Variants in PSD4 observed in about 807,000 individuals in gnomAD.
PSD4 encodes the protein PH and SEC7 domain-containing protein 4.
In PSD4, 59 loss-of-function variants were observed where a neutral mutation model predicts 112.5. The ratio of observed to expected loss-of-function variants is 0.52; its 90% CI spans 0.43 to 0.65. The LOEUF is 0.65. PSD4 is among the 30% of genes least tolerant of loss of function. PSD4 has a pLI of 0.00. For missense variants in PSD4, 1,267 were observed against 1,352.6 expected (o/e 0.94, Z 0.99); for synonymous variants, 533 against 540.0 (o/e 0.99, Z 0.18).
rs144379499 is a variant in PSD4 at position 113,196,244 on chromosome 2, G to T, written c.2323G>T (p.Val775Leu). 2.5e-6 allele frequency: 4 copies of T among 1,613,980 alleles called. No individual in the cohort carries two copies. The African/African-American group carries it at 5.3e-5, about 22-fold the overall frequency. Residue 775 changes from valine (V) to leucine (L), a missense_variant, in exon 12 of 17, where the codon GTG becomes TTG. Transcript: ENST00000245796. ...PFLQLAQDPTVPTYKQGILAR... is the reference protein window; with the variant it reads ...PFLQLAQDPTLPTYKQGILAR... ...CCTTCAGCTGGCTCAGGATCCCACAGTGCCCACCTACAAGCAGGGCATCCT... is the reference window on the plus strand; with the variant it reads ...CCTTCAGCTGGCTCAGGATCCCACATTGCCCACCTACAAGCAGGGCATCCT...
intron 10 of PSD4, among the ~76,000 whole-genome samples, 180 bp from the exon 11 acceptor site, chr2:113,195,537 ATGGATGGATG>A (rs1558653914): frequency 3.9e-5 from 2 of 50,986 alleles, no homozygotes; most frequent in Non-Finnish European, 6.0e-5. Context: ...TGTTGCACGG[ATGGATGGATG>A]GATGGATGGA....
At chr2:113,196,102 C>T in intron 11 of PSD4, 45 bp from the exon 12 acceptor site, 1 of 1,585,062 alleles carries the variant, frequency 6.3e-7, no homozygotes, top group Non-Finnish European at 8.6e-7. Context: ...CCTCCCAGTT[C>T]TCTTTGCATA....
chr2:113,179,119 C>T (rs1423294279), intron 1 of PSD4, among the ~76,000 whole-genome samples: 2 of 152,142 alleles, frequency 1.3e-5, no homozygotes, highest in African/African-American at 2.4e-5. Context: ...TTGCTCTCCA[C>T]CAGGCAGGTT....
intron 1 of PSD4, among the ~76,000 whole-genome samples, chr2:113,179,166 A>G (rs1573349136): frequency 6.6e-6 from 1 of 152,266 alleles, no homozygotes; most frequent in East Asian, 1.9e-4. Context: ...TGTTTTCCCT[A>G]GTATAGACAA....
chr2:113,193,740 A>G, intron 9 of PSD4, 90 bp downstream of exon 9: 1 of 1,557,258 alleles, frequency 6.4e-7, no homozygotes, highest in Non-Finnish European at 8.9e-7. Flanking sequence ...CCGGGCAGGG[A>G]ACACCCCTGA....
At chr2:113,178,673 T>C (rs1413300351) in intron 1 of PSD4, among the ~76,000 whole-genome samples, 2 of 152,132 alleles carry the variant, frequency 1.3e-5, no homozygotes, top group African/African-American at 2.4e-5. Flanking sequence ...CATTCCCATA[T>C]TGGCACGGGA....
At chr2:113,200,307 T>C (rs1688739965) in intron 16 of PSD4, among the ~76,000 whole-genome samples, 2 of 152,170 alleles carry the variant, frequency 1.3e-5, no homozygotes, top group African/African-American at 4.8e-5. Flanking sequence ...GAGGGCCCAC[T>C]GGGCAGGAAG....
intron 5 of PSD4, 107 bp downstream of exon 5, chr2:113,186,362 A>G (rs1316910464): frequency 1.6e-6 from 2 of 1,217,626 alleles, no homozygotes; most frequent in African/African-American, 1.5e-5. Flanking sequence ...AAACATACCC[A>G]TATTTATTAA....
At chr2:113,193,823 G>A (rs368987890) in intron 9 of PSD4, 36 bp from the exon 10 acceptor site, 255 of 1,599,644 alleles carry the variant, frequency 1.6e-4, no homozygotes, top group Non-Finnish European at 2.0e-4. Flanking sequence ...GGGATGGGGT[G>A]TGTGCTCGAG....
chr2:113,191,403 GTAGC>G (rs1200326624), intron 5 of PSD4, among the ~76,000 whole-genome samples: 1 of 152,166 alleles, frequency 6.6e-6, no homozygotes, highest in Non-Finnish European at 1.5e-5. Flanking sequence ...AGCCTCCTGA[GTAGC>G]TGGGACTACA....
At chr2:113,200,214 A>T (rs1349587535) in intron 16 of PSD4, among the ~76,000 whole-genome samples, 1 of 152,010 alleles carries the variant, frequency 6.6e-6, no homozygotes, top group South Asian at 2.1e-4. Flanking sequence ...ACACTCCCCA[A>T]TTCTGCTTTG....
rs376567762 is a variant in PSD4, at chr2:113,201,187, G to A, written c.2943G>A (p.Leu981=). Residue 981 remains leucine, a synonymous_variant, in exon 17 of 17, where the codon CTG becomes CTA. Coordinates refer to ENST00000245796, the MANE Select transcript of PSD4 (RefSeq NM_012455.3). ...CCCGCTACGAGACCTACGTGCAGCT[G>A]CTGGTGGCCCGCCTGCACTGCCCCT... The part of the protein sequence containing the change: ...EKTRYETYVQ[L]LVARLHCPSD... 1 of 1,613,238 alleles carries A rather than the reference G, an allele frequency of 6.2e-7. No homozygotes were observed. The highest frequency in any genetic ancestry group is 1.3e-5 in the African/African-American group (1 of 75,016).
intron 11 of PSD4, 121 bp downstream of exon 11, chr2:113,195,891 C>A: frequency 7.2e-7 from 1 of 1,381,318 alleles, no homozygotes; most frequent in Non-Finnish European, 1.0e-6. Flanking sequence ...TGGAGTGAGG[C>A]AAAGCCAGAG....
In PSD4 at chr2:113,192,500, G is replaced by C. The variant is rs781197676; in HGVS notation, c.1749G>C (p.Arg583Ser). The C allele has an allele frequency of 4.3e-6, 7 of 1,614,244 alleles. No individual in the cohort carries two copies. Among genetic ancestry groups the C allele is most frequent in the South Asian group, 2.2e-5 (2 of 91,084 alleles). The change falls in exon 6 of 17, where the codon AGG (arginine) becomes AGC (serine). Residue 583 changes from arginine to serine, a missense_variant. Arg to Ser is a moderately radical substitution (Grantham distance 110). Around this residue, in one of 2 missense-constraint regions of PSD4, gnomAD observed 544 missense variants for 648.6 expected, o/e 0.84. Coordinates refer to ENST00000245796, the MANE Select transcript of PSD4 (RefSeq NM_012455.3). ...PAGDKLANGV[R>S]NNKVAWNLAS... is the part of the protein sequence containing the mutation. ...GAGACAAGCTAGCTAATGGCGTCAGGAACAACAAGGTAGCCTGGAACTTGG... is the reference window on the plus strand; with the variant it reads ...GAGACAAGCTAGCTAATGGCGTCAGCAACAACAAGGTAGCCTGGAACTTGG...
At position 113,187,493 on chromosome 2, in the gene PSD4, CT is replaced by C. The variant is rs141754436; in HGVS notation, c.1628+1240del. On this transcript the variant is annotated intron_variant, in intron 5 of 16. Transcript: ENST00000245796. ...TCAGGAGGTGGTCCTCAGCCTCTCCCTTCCCCCACCTAGCAGCCTGGATGAC... is the reference window on the plus strand; with the variant it reads ...TCAGGAGGTGGTCCTCAGCCTCTCCCTCCCCCACCTAGCAGCCTGGATGAC... Among the ~76,000 whole-genome samples the C allele has an allele frequency of 4.7e-3, 722 of 152,278 alleles. 9 individuals are homozygous for C. Among genetic ancestry groups the C allele is most frequent in the African/African-American group, 0.017 (705 of 41,550 alleles).
Position 113,183,477 on chromosome 2 carries a change from G to T in PSD4, c.1021G>T (p.Ala341Ser). The T allele has an allele frequency of 1.3e-6, 2 of 1,589,260 alleles. No individual in the cohort carries two copies. Among genetic ancestry groups the T allele is most frequent in the Non-Finnish European group, 1.7e-6 (2 of 1,169,046 alleles). ...GGCCTCAGTGGCTGCCGCTGAGGGG[G>T]CTCCTGCAGCACCTCCTGGTCACGG... ...CWASVAAAEG[A>S]PAAPPGHGES... Residue 341 changes from alanine (A) to serine (S), a missense_variant, in exon 2 of 17, where the codon GCT becomes TCT. This residue lies in a region of PSD4 where 723 missense variants were observed against 704.0 expected (regional missense o/e 1.03). Coordinates refer to ENST00000245796, the MANE Select transcript of PSD4 (RefSeq NM_012455.3).
chr2:113,196,790 C>G (rs1195365719), intron 12 of PSD4, among the ~76,000 whole-genome samples: 4 of 152,164 alleles, frequency 2.6e-5, no homozygotes, highest in Non-Finnish European at 5.9e-5. Flanking sequence ...ACAGAGAAAA[C>G]AGCAAGCCGA....
At chr2:113,185,826 C>G in intron 4 of PSD4, 51 bp from the exon 5 acceptor site, 1 of 1,574,486 alleles carries the variant, frequency 6.4e-7, no homozygotes, top group Admixed American at 1.9e-5. Context: ...GTGCCCAGGC[C>G]GTTCTCCTGC....
intron 6 of PSD4, 62 bp from the exon 7 acceptor site, chr2:113,192,986 G>A: frequency 9.8e-6 from 15 of 1,534,660 alleles, no homozygotes; most frequent in Non-Finnish European, 1.3e-5. Context: ...GGGGGCCCCA[G>A]TGCATCTGCA....
Sources: allele counts gnomAD v4.1 joint callset (sites outside exome capture counted in the v4.1 genomes callset), GRCh38; gene constraint gnomAD v4.1.1; regional missense constraint gnomAD v4.1.1; transcripts MANE v1.5; gene names NCBI Gene and HGNC (gene_info 2026-07-23, HGNC 2026-07-21).